Variants in JPH3 observed in about 807,000 individuals in gnomAD.
JPH3 encodes junctophilin-3.
JPH3 carries 11 observed loss-of-function variants against 59.6 expected under a neutral mutation model. The observed-to-expected ratio is 0.18, with a 90% CI of 0.12 to 0.31. The LOEUF is 0.31. Among genes scored for constraint, JPH3 ranks in the 10% least tolerant of loss-of-function variants. The probability of loss-of-function intolerance (pLI) is 1.00; values close to 1 mark genes in which losing one functional copy is unlikely to be tolerated. For synonymous variants in JPH3, 673 were observed against 483.6 expected (o/e 1.39, Z -5.14); for missense variants, 1,202 against 1,105.7 (o/e 1.09, Z -1.24).
Position 87,644,716 on chromosome 16 carries a change from G to A in JPH3, c.841G>A (p.Asp281Asn), listed in dbSNP as rs367865537. ...GCTGGCGGTCATCGAGGACGACATCGACGCCACCACCACCGAGACCTACGT... is the reference window on the plus strand; with the variant it reads ...GCTGGCGGTCATCGAGGACGACATCAACGCCACCACCACCGAGACCTACGT... ...AELAVIEDDI[D>N]ATTTETYVGE... Residue 281 changes from aspartate to asparagine, a missense_variant, in exon 2 of 5, where the codon GAC becomes AAC. Transcript: ENST00000284262. 57 of 1,612,296 alleles carry A rather than the reference G, an allele frequency of 3.5e-5. No homozygotes were observed. Among genetic ancestry groups the A allele is most frequent in the East Asian group, 1.1e-4 (5 of 44,830 alleles).
chr16:87,626,254 A>C (rs1206034495), intron 1 of JPH3, among the ~76,000 whole-genome samples: 1 of 152,142 alleles, frequency 6.6e-6, no homozygotes, highest in Non-Finnish European at 1.5e-5. Context: ...TTCATTGTGC[A>C]CACGTGCAGA....
intron 2 of JPH3, among the ~76,000 whole-genome samples, chr16:87,660,515 C>A (rs995777904): frequency 1.3e-5 from 2 of 152,186 alleles, no homozygotes. Context: ...CTGGACTGGG[C>A]GCCACTGCTC....
At chr16:87,684,831 G>A (rs940798734) in intron 3 of JPH3, among the ~76,000 whole-genome samples, 1 of 152,176 alleles carries the variant, frequency 6.6e-6, no homozygotes, top group Admixed American at 6.5e-5. Flanking sequence ...CCCTTCGAGG[G>A]GGGGATCATG....
chr16:87,673,724 G>A (rs756853987), intron 2 of JPH3, among the ~76,000 whole-genome samples: 2 of 152,042 alleles, frequency 1.3e-5, no homozygotes, highest in African/African-American at 2.4e-5. Context: ...TCAGGAGTTC[G>A]AGACCAGCCT....
intron 1 of JPH3, among the ~76,000 whole-genome samples, chr16:87,621,571 A>G (rs1473948728): frequency 2.0e-5 from 3 of 152,172 alleles, no homozygotes; most frequent in Admixed American, 6.5e-5. Context: ...ACACCCACCT[A>G]CAGCCGCCAG....
intron 2 of JPH3, among the ~76,000 whole-genome samples, chr16:87,649,546 C>T (rs183068520): frequency 8.1e-4 from 124 of 152,310 alleles, no homozygotes; most frequent in Middle Eastern, 3.4e-3. Flanking sequence ...GTAAATGTGT[C>T]ACCCATCCTA....
chr16:87,636,014 G>T (rs774281781), intron 1 of JPH3, among the ~76,000 whole-genome samples: 6 of 152,246 alleles, frequency 3.9e-5, no homozygotes, highest in Non-Finnish European at 7.3e-5. Flanking sequence ...TCTGGGGGCC[G>T]TGCTGACCGA....
At position 87,603,447 on chromosome 16, in the gene JPH3, G is replaced by A; in HGVS notation, c.301G>A (p.Ala101Thr). ...GGGGCGCTACGGGGTGCGGGAGTGC[G>A]CGGGCAACGGGGCCAAATACGAAGG... ...FKGRYGVRECAGNGAKYEGTW... is the reference protein window; with the variant it reads ...FKGRYGVRECTGNGAKYEGTW... Residue 101 changes from alanine to threonine, a missense_variant, in exon 1 of 5, where the codon GCG becomes ACG. By Grantham distance (58) the Ala-to-Thr change is moderately conservative. Transcript: ENST00000284262. 1 of 1,566,578 alleles carries A rather than the reference G, an allele frequency of 6.4e-7. No homozygotes were observed. Among genetic ancestry groups the A allele is most frequent in the Non-Finnish European group, 8.6e-7 (1 of 1,156,354 alleles).
chr16:87,692,728 T>C (rs1392544126), intron 4 of JPH3, among the ~76,000 whole-genome samples: 1 of 152,226 alleles, frequency 6.6e-6, no homozygotes, highest in Non-Finnish European at 1.5e-5. Context: ...CCCTGGCTGT[T>C]TCCCTCTTGG....
At chr16:87,695,941 C>CACTTCAGGGAGGTGGTGGCA in intron 4 of JPH3, 1 of 456,060 alleles carries the variant, frequency 2.2e-6, no homozygotes, top group Non-Finnish European at 4.4e-6. Flanking sequence ...ACTTGTGAGC[C>CACTTCAGGGAGGTGGTGGCA]ACTTCAGGGA....
intron 2 of JPH3, among the ~76,000 whole-genome samples, chr16:87,677,430 A>C (rs948920982): frequency 6.6e-6 from 1 of 152,042 alleles, no homozygotes; most frequent in Non-Finnish European, 1.5e-5. Flanking sequence ...GCTAAAAAAA[A>C]CTCGCCCACC....
At chr16:87,656,505 G>A (rs1013754248) in intron 2 of JPH3, among the ~76,000 whole-genome samples, 1 of 152,236 alleles carries the variant, frequency 6.6e-6, no homozygotes, top group Non-Finnish European at 1.5e-5. Context: ...GAGTTCATAT[G>A]AGGGTGAAGG....
chr16:87,627,136 A>G (rs2031407271), intron 1 of JPH3, among the ~76,000 whole-genome samples: 1 of 152,198 alleles, frequency 6.6e-6, no homozygotes, highest in Admixed American at 6.5e-5. Flanking sequence ...ATTAGTTGCC[A>G]AAGTTCTCCA....
At position 87,677,222 on chromosome 16, in the gene JPH3, ACAC is replaced by A. The variant is rs202219133; in HGVS notation, c.1161-6919_1161-6917del. Among the ~76,000 whole-genome samples the A allele has an allele frequency of 3.7e-3, 446 of 119,610 alleles. 7 individuals are homozygous for A. The highest frequency in any genetic ancestry group is 0.036 in the East Asian group (142 of 3,986). The allele number at this position is 119,610 out of a possible 152,430, so 78.5% of individuals were successfully genotyped here. On this transcript the variant is annotated intron_variant, in intron 2 of 4. Coordinates refer to ENST00000284262, the MANE Select transcript of JPH3 (RefSeq NM_020655.4). Reference sequence around the variant, plus strand: ...CACACACACACACACACACACACACACACAAAAAAAAAAATTAGCCGGGTGTGG... The same window carrying A: ...CACACACACACACACACACACACACAAAAAAAAAAAATTAGCCGGGTGTGG...
chr16:87,671,372 A>G (rs1441571904), intron 2 of JPH3, among the ~76,000 whole-genome samples: 1 of 152,194 alleles, frequency 6.6e-6, no homozygotes, highest in East Asian at 1.9e-4. Context: ...CTGGTTGGTC[A>G]GGGCTGGGCA....
chr16:87,667,176 C>T (rs1456600040), intron 2 of JPH3, among the ~76,000 whole-genome samples: 1 of 152,214 alleles, frequency 6.6e-6, no homozygotes, highest in African/African-American at 2.4e-5. Context: ...GCCTCTCCTT[C>T]TCTGTCTCTT....
intron 1 of JPH3, among the ~76,000 whole-genome samples, chr16:87,612,524 T>C (rs2030767870): frequency 6.6e-6 from 1 of 152,210 alleles, no homozygotes; most frequent in Admixed American, 6.5e-5. Flanking sequence ...CTGGAGCGTC[T>C]GTAGCTGGAC....
intron 2 of JPH3, among the ~76,000 whole-genome samples, chr16:87,662,782 T>A (rs970419892): frequency 6.6e-6 from 1 of 152,224 alleles, no homozygotes; most frequent in African/African-American, 2.4e-5. Flanking sequence ...CACGCAGGGT[T>A]GCAACCTCTT....
In JPH3 at chr16:87,696,383, G is replaced by A. The variant is rs1032255343; in HGVS notation, c.2167-197G>A. On this transcript the variant is annotated intron_variant, in intron 4 of 4. Transcript: ENST00000284262. ...AACCTCAGACGTACAGGCAGCTGGG[G>A]CTTCTCTCCCGCGTCTGGACTTCAC... is the stretch of plus-strand genomic sequence containing the variant. The A allele has an allele frequency of 6.7e-6, 4 of 598,328 alleles. No homozygotes were observed. In the Admixed American group the frequency reaches 8.8e-5, roughly 13 times the overall value. The allele number at this position is 598,328 out of a possible 1,614,324, so 37.1% of individuals were successfully genotyped here. A position where few individuals can be genotyped will look rare whatever the true frequency, so the allele number is the denominator to read the frequency against.
Sources: gnomAD v4.1 joint callset for allele counts (sites outside exome capture counted in the v4.1 genomes callset) on GRCh38, gnomAD v4.1.1 for gene constraint, MANE v1.5 for transcripts, NCBI Gene and HGNC (gene_info 2026-07-23, HGNC 2026-07-21) for gene names.